Variants in KANK1 observed in about 807,000 individuals in gnomAD.
The protein encoded by KANK1 is KN motif and ankyrin repeat domain-containing protein 1.
KANK1 carries 109 observed loss-of-function variants against 106.2 expected under a neutral mutation model. The observed-to-expected ratio is 1.03, with a 90% confidence interval of 0.88 to 1.20. KANK1 has a LOEUF of 1.20. Among genes scored for constraint, KANK1 ranks in the 50% most tolerant of loss-of-function variants. The pLI, the probability that KANK1 is intolerant of heterozygous loss-of-function variation, is 0.00. For missense variants in KANK1, 2,399 were observed against 1,710.7 expected, an observed-to-expected ratio of 1.40 and a Z score of -7.10; for synonymous variants, 873 against 652.2, an observed-to-expected ratio of 1.34 and a Z score of -5.16.
chr9:693,468 C>T (rs1359952489), intron 2 of KANK1: 2 of 985,136 alleles, frequency 2.0e-6, no homozygotes, highest in Admixed American at 6.1e-5. Flanking sequence ...ATTTCATATG[C>T]CTGAAGAGTA....
intron 1 of KANK1, among the ~76,000 whole-genome samples, chr9:629,109 C>G (rs1238532526): frequency 6.6e-6 from 1 of 151,122 alleles, no homozygotes; most frequent in African/African-American, 2.4e-5. Context: ...ATCTTGCATG[C>G]TTTTCCTTTC....
At chr9:499,448 A>G (rs1482948946) in intron 3 of KANK1, among the ~76,000 whole-genome samples, 2 of 152,220 alleles carry the variant, frequency 1.3e-5, no homozygotes, top group Non-Finnish European at 2.9e-5. Context: ...ACAGCCCCAG[A>G]TGAAGCTGGC....
At chr9:567,747 G>A (rs760496127) in intron 1 of KANK1, among the ~76,000 whole-genome samples, 4 of 152,178 alleles carry the variant, frequency 2.6e-5, no homozygotes, top group African/African-American at 7.2e-5. Flanking sequence ...TGGAACTTTG[G>A]TGCAGTGTTG....
Position 528,848 on chromosome 9 carries a change from G to A in KANK1, c.-84+24094G>A, listed in dbSNP as rs72707740. On this transcript the variant is annotated intron_variant, in intron 1 of 11. Coordinates refer to ENST00000382297, the MANE Select transcript of KANK1 (RefSeq NM_015158.5). The stretch of plus-strand genomic sequence containing the variant: ...CAGGATCTTATTTGTAAGCCAGGCT[G>A]GAATGCAGTCTTATGATCACTGCTC... Among the ~76,000 whole-genome samples the A allele has an allele frequency of 4.3e-3, 660 of 152,148 alleles. 9 individuals are homozygous for A. The highest frequency in any genetic ancestry group is 0.015 in the African/African-American group (620 of 41,494).
intron 3 of KANK1, among the ~76,000 whole-genome samples, chr9:484,800 C>T (rs975758563): frequency 6.6e-6 from 1 of 152,252 alleles, no homozygotes; most frequent in South Asian, 2.1e-4. Context: ...TGGGCAGCAC[C>T]CAGGCAGAGA....
intron 3 of KANK1, among the ~76,000 whole-genome samples, chr9:497,500 C>G (rs1367042315): frequency 6.6e-6 from 1 of 151,990 alleles, no homozygotes; most frequent in East Asian, 1.9e-4. Flanking sequence ...AAGAATTCTT[C>G]TCTCACAGCT....
chr9:597,016 G>C (rs1301094294), intron 1 of KANK1, among the ~76,000 whole-genome samples: 1 of 151,866 alleles, frequency 6.6e-6, no homozygotes, highest in Non-Finnish European at 1.5e-5. Context: ...GACCTTTTGT[G>C]TCTGGCTTCT....
intron 1 of KANK1, among the ~76,000 whole-genome samples, chr9:657,641 A>C (rs541341485): frequency 6.6e-6 from 1 of 150,750 alleles, no homozygotes; most frequent in Admixed American, 6.6e-5. Flanking sequence ...GCCTTTTTAA[A>C]CTCCAAATTC....
At chr9:713,724 G>A (rs1267942129) in intron 3 of KANK1, among the ~76,000 whole-genome samples, 1 of 152,132 alleles carries the variant, frequency 6.6e-6, no homozygotes, top group East Asian at 1.9e-4. Flanking sequence ...CTGGCCTAGA[G>A]GTTGTCTTCT....
In KANK1 at chr9:710,629, AC is replaced by A. The variant is rs68161748; in HGVS notation, c.38-174del. On this transcript the variant is annotated intron_variant, in intron 2 of 11. Transcript: ENST00000382297. ...ATGACCTGTCTCAAAAAAAAAAAAA[AC>A]AAAAAAAAACAAAAAAAACTTGCTT... Among the ~76,000 whole-genome samples the A allele has an allele frequency of 0.42, 42,791 of 102,278 alleles. 11,707 individuals carry two copies. Among genetic ancestry groups the A allele is most frequent in the Non-Finnish European group, 0.47 (25,021 of 53,736 alleles). The allele number at this position is 102,278 out of a possible 152,430, so 67.1% of individuals were successfully genotyped here.
At chr9:544,788 A>G (rs763922357) in intron 1 of KANK1, among the ~76,000 whole-genome samples, 39 of 145,944 alleles carry the variant, frequency 2.7e-4, no homozygotes, top group African/African-American at 9.6e-4. Flanking sequence ...TTTAGAACCA[A>G]AGAGAGTTTA....
chr9:498,725 G>C (rs191036975), intron 3 of KANK1, among the ~76,000 whole-genome samples: 20 of 152,308 alleles, frequency 1.3e-4, no homozygotes, highest in African/African-American at 4.6e-4. Context: ...GCCACAGTGA[G>C]ATACTACTTC....
intron 1 of KANK1, among the ~76,000 whole-genome samples, chr9:522,716 TG>T (rs1354146046): frequency 1.3e-5 from 2 of 151,566 alleles, no homozygotes; most frequent in Non-Finnish European, 2.9e-5. Context: ...TTCTGATGAG[TG>T]ACTTTGGTAT....
Position 738,186 on chromosome 9 carries a change from A to G in KANK1, c.3334-99A>G. 4 of 961,678 alleles carry G rather than the reference A, an allele frequency of 4.2e-6. No individual in the cohort carries two copies. In the South Asian group the frequency reaches 6.5e-5, roughly 16 times the overall value. The allele number at this position is 961,678 out of a possible 1,614,324, so 59.6% of individuals were successfully genotyped here. ...TTGAGAGCAGATTCTAACTGCATATATATACTTTGACTATAAAAGGACAGG... is the reference window on the plus strand; with the variant it reads ...TTGAGAGCAGATTCTAACTGCATATGTATACTTTGACTATAAAAGGACAGG... On this transcript the variant is annotated intron_variant, in intron 7 of 11. Coordinates refer to ENST00000382297, the MANE Select transcript of KANK1 (RefSeq NM_015158.5).
At position 730,091 on chromosome 9, in the gene KANK1, G is replaced by A. The variant is rs1225159568; in HGVS notation, c.2739G>A (p.Gln913=). 20 of 1,614,076 alleles carry A rather than the reference G, an allele frequency of 1.2e-5. No individual in the cohort carries two copies. Among genetic ancestry groups the A allele is most frequent in the Admixed American group, 3.3e-5 (2 of 59,994 alleles). ...ATACCTGTAAGTGTGGGGGCCTTCA[G>A]TCAGGAAGTCCCTTAAGCTCCCAGA... The part of the protein sequence containing the change: ...LGYTCKCGGL[Q]SGSPLSSQTS... Residue 913 remains glutamine, a synonymous_variant, in exon 4 of 12, where the codon CAG becomes CAA. Transcript: ENST00000382297.
intron 3 of KANK1, among the ~76,000 whole-genome samples, chr9:726,000 G>C (rs185370007): frequency 6.6e-6 from 1 of 152,200 alleles, no homozygotes; most frequent in Non-Finnish European, 1.5e-5. Flanking sequence ...ATAGTAGCCT[G>C]TGACTCTTTA....
intron 1 of KANK1, among the ~76,000 whole-genome samples, chr9:541,649 T>G (rs1464752553): frequency 6.6e-6 from 1 of 151,792 alleles, no homozygotes; most frequent in Non-Finnish European, 1.5e-5. Flanking sequence ...AAATTCTGCA[T>G]AGAAAAGGAA....
intron 1 of KANK1, among the ~76,000 whole-genome samples, chr9:623,830 G>C (rs1833749838): frequency 6.6e-6 from 1 of 152,060 alleles, no homozygotes; most frequent in Non-Finnish European, 1.5e-5. Context: ...CATTGGTATG[G>C]AAGTTTTGTA....
intron 1 of KANK1, among the ~76,000 whole-genome samples, chr9:649,845 G>C (rs1253818366): frequency 6.6e-6 from 1 of 152,198 alleles, no homozygotes; most frequent in Non-Finnish European, 1.5e-5. Context: ...CTCCTTTGGT[G>C]TGACCCATGG....
Sources: allele counts gnomAD v4.1 joint callset (sites outside exome capture counted in the v4.1 genomes callset), GRCh38; gene constraint gnomAD v4.1.1; transcripts MANE v1.5; gene names NCBI Gene and HGNC (gene_info 2026-07-23, HGNC 2026-07-21).